ORC4: variants seen among roughly 807,000 people sequenced by gnomAD.
The protein encoded by ORC4 is origin recognition complex, subunit 4 homolog.
In ORC4, 55 loss-of-function variants were observed where a neutral mutation model predicts 63.9. The observed-to-expected ratio is 0.86, with a 90% CI of 0.69 to 1.08. The LOEUF (loss-of-function observed/expected upper bound fraction) is 1.08. ORC4 is among the 50% of genes least tolerant of loss of function. The pLI, the probability that ORC4 is intolerant of heterozygous loss-of-function variation, is 0.00. For missense variants in ORC4, 511 were observed against 504.4 expected, an observed-to-expected ratio of 1.01 and a Z score of -0.13; for synonymous variants, 150 against 168.5, an observed-to-expected ratio of 0.89 and a Z score of 0.85.
At chr2:147,991,620 G>A (rs1237892665) in intron 1 of ORC4, among the ~76,000 whole-genome samples, 1 of 152,014 alleles carries the variant, frequency 6.6e-6, no homozygotes, top group African/African-American at 2.4e-5. Context: ...CCTGAGTTCA[G>A]GAGTTTGAGA....
chr2:147,995,622 C>A (rs935297011), intron 1 of ORC4, among the ~76,000 whole-genome samples: 6 of 151,156 alleles, frequency 4.0e-5, no homozygotes, highest in African/African-American at 1.5e-4. Context: ...GAGCAAGACA[C>A]AAACCCACTG....
intron 1 of ORC4, among the ~76,000 whole-genome samples, chr2:147,978,255 GAGGATTTCTGTGC>G (rs1308352913): frequency 5.9e-5 from 9 of 152,354 alleles, no homozygotes; most frequent in Middle Eastern, 6.8e-3. Flanking sequence ...CTGACTACAG[GAGGATTTCTGTGC>G]AGGATTTCTG....
intron 4 of ORC4, chr2:147,960,163 A>T (rs1689507754): frequency 1.6e-5 from 10 of 631,338 alleles, no homozygotes; most frequent in Non-Finnish European, 2.0e-5. Context: ...AGGAATGGGG[A>T]TTTTAATAAT....
intron 1 of ORC4, among the ~76,000 whole-genome samples, chr2:148,015,016 C>T (rs562479345): frequency 2.6e-5 from 4 of 151,592 alleles, no homozygotes; most frequent in African/African-American, 9.7e-5. Flanking sequence ...GATACTGATG[C>T]ATTGATCTAA....
chr2:148,017,410 G>A (rs188494357), intron 1 of ORC4, among the ~76,000 whole-genome samples: 2 of 152,160 alleles, frequency 1.3e-5, no homozygotes, highest in African/African-American at 2.4e-5. Context: ...AGTGGCTCAC[G>A]TCTGTGATCC....
chr2:147,957,286 T>C (rs1689316992), intron 6 of ORC4, among the ~76,000 whole-genome samples: 1 of 148,916 alleles, frequency 6.7e-6, no homozygotes, highest in Non-Finnish European at 1.5e-5. Flanking sequence ...AATAATTTTA[T>C]AGATTGATTA....
chr2:147,962,974 A>T (rs2105326271), intron 4 of ORC4, among the ~76,000 whole-genome samples: 1 of 151,876 alleles, frequency 6.6e-6, no homozygotes, highest in African/African-American at 2.4e-5. Flanking sequence ...TGGTGAATAC[A>T]CCTCCCACAG....
At chr2:147,998,563 T>C (rs1692117474) in intron 1 of ORC4, among the ~76,000 whole-genome samples, 1 of 152,194 alleles carries the variant, frequency 6.6e-6, no homozygotes, top group East Asian at 1.9e-4. Context: ...TCCTTTGACC[T>C]TGTCCACCGT....
chr2:148,019,177 G>A (rs944328146), intron 1 of ORC4, among the ~76,000 whole-genome samples: 3 of 151,912 alleles, frequency 2.0e-5, no homozygotes, highest in Non-Finnish European at 4.4e-5. Flanking sequence ...CATGATTACC[G>A]TACACAATAC....
intron 9 of ORC4, among the ~76,000 whole-genome samples, chr2:147,944,314 G>A (rs1688536673): frequency 6.6e-6 from 1 of 151,918 alleles, no homozygotes; most frequent in Admixed American, 6.6e-5. Context: ...AGTAGTAGGT[G>A]GGAAAAGAGA....
rs201741498 is a variant in ORC4, at chr2:147,955,250, C to CT, written c.436+96dup. ...TTAATGTTTCTGTATTTTATGAGAG[C>CT]TTTTTTTTTTGGCAAAAGCTTGTAT... On this transcript the variant is annotated intron_variant, in intron 7 of 13. Coordinates refer to ENST00000392857, the MANE Select transcript of ORC4 (RefSeq NM_181741.4). The CT allele has an allele frequency of 6.0e-3, 3,874 of 645,754 alleles. 1 individual carries two copies. The highest frequency in any genetic ancestry group is 6.9e-3 in the Non-Finnish European group (2,666 of 386,406). 40.0% of individuals were successfully genotyped at this position (645,754 alleles called of 1,614,324 possible).
chr2:148,016,091 A>G lies in ORC4; in HGVS notation c.-18+4542T>C, dbSNP rs573612728. Among the ~76,000 whole-genome samples the G allele has an allele frequency of 2.0e-3, 304 of 152,308 alleles. 7 individuals are homozygous for G. The highest frequency in any genetic ancestry group is 0.01 in the Middle Eastern group (3 of 294). ...CAAATTGAAAAGGTGAAAAAGCTCG[A>G]TAAGTGGGTGCCTCACCAGCTGAGC... On this transcript the variant is annotated intron_variant, in intron 1 of 13. Coordinates refer to ENST00000392857, the MANE Select transcript of ORC4 (RefSeq NM_181741.4).
intron 1 of ORC4, among the ~76,000 whole-genome samples, chr2:147,988,827 TTAAAA>T (rs1326702242): frequency 6.6e-6 from 1 of 152,118 alleles, no homozygotes; most frequent in Non-Finnish European, 1.5e-5. Context: ...ATCTGGAATT[TTAAAA>T]TAAAAGTAGG....
chr2:147,962,875 A>C (rs1689685313), intron 4 of ORC4, among the ~76,000 whole-genome samples: 1 of 151,976 alleles, frequency 6.6e-6, no homozygotes, highest in African/African-American at 2.4e-5. Flanking sequence ...AATAGCCCAG[A>C]AGGTTACCCC....
chr2:147,998,069 AAGT>A (rs1692075904), intron 1 of ORC4, among the ~76,000 whole-genome samples: 5 of 152,190 alleles, frequency 3.3e-5, no homozygotes, highest in Admixed American at 2.0e-4. Flanking sequence ...ACTCATTATA[AAGT>A]AAGTTGACTG....
intron 6 of ORC4, among the ~76,000 whole-genome samples, chr2:147,956,916 C>T (rs1331228886): frequency 6.6e-6 from 1 of 151,624 alleles, no homozygotes; most frequent in African/African-American, 2.4e-5. Flanking sequence ...GCATACTTAA[C>T]AAGAACTGTC....
At chr2:147,980,301 A>T (rs1042729653) in intron 1 of ORC4, among the ~76,000 whole-genome samples, 1 of 152,152 alleles carries the variant, frequency 6.6e-6, no homozygotes, top group Non-Finnish European at 1.5e-5. Flanking sequence ...AAGCACTTAC[A>T]TTGTATTAGA....
At position 147,938,363 on chromosome 2, in the gene ORC4, A is replaced by AT. The variant is rs745632291; in HGVS notation, c.988dup (p.Ile330AsnfsTer8). ...GATGTCATTTAAATGTTTCATTGCT[A>AT]TTATAAGACAGATTTCCAAGACTGA... On this transcript the variant is annotated frameshift_variant, in exon 12 of 14. Coordinates refer to ENST00000392857, the MANE Select transcript of ORC4 (RefSeq NM_181741.4). LOFTEE classifies it high-confidence loss of function. 4.4e-6 allele frequency: 7 copies of AT among 1,605,344 alleles called. No individual in the cohort carries two copies. The highest frequency in any genetic ancestry group is 1.7e-5 in the Admixed American group (1 of 59,954).
chr2:147,967,497 C>G (rs1385566722), intron 4 of ORC4, among the ~76,000 whole-genome samples: 1 of 150,674 alleles, frequency 6.6e-6, no homozygotes, highest in Admixed American at 6.6e-5. Flanking sequence ...ATACTAACAA[C>G]AAACTACCCG....
Sources: gnomAD v4.1 joint callset for allele counts (sites outside exome capture counted in the v4.1 genomes callset) on GRCh38, gnomAD v4.1.1 for gene constraint, MANE v1.5 for transcripts, NCBI Gene and HGNC (gene_info 2026-07-23, HGNC 2026-07-21) for gene names.